Variants in EIF2AK4 observed in about 807,000 individuals in gnomAD.
EIF2AK4 encodes the protein eIF-2-alpha kinase GCN2.
In EIF2AK4, 139 loss-of-function variants were observed where a neutral mutation model predicts 211.1. That is an observed-to-expected ratio of 0.66 (90% confidence interval 0.57 to 0.76). EIF2AK4 has a LOEUF of 0.76. Ranked by LOEUF, EIF2AK4 falls within the 30% of genes least tolerant of loss-of-function variation. The pLI is 0.00. For missense variants in EIF2AK4, 1,664 were observed against 2,043.8 expected (o/e 0.81, Z 3.58); for synonymous variants, 710 against 751.3 (o/e 0.94, Z 0.90).
At chr15:40,032,058 T>G (rs1413158638) in intron 35 of EIF2AK4, 111 bp from the exon 36 acceptor site, 4 of 951,838 alleles carry the variant, frequency 4.2e-6, no homozygotes, top group Non-Finnish European at 6.7e-6. Flanking sequence ...TTTGGAATCC[T>G]TTCTAGGCTT....
intron 1 of EIF2AK4, among the ~76,000 whole-genome samples, chr15:39,936,452 G>T (rs955011314): frequency 6.6e-6 from 1 of 152,082 alleles, no homozygotes; most frequent in Non-Finnish European, 1.5e-5. Flanking sequence ...TCTCTCTGTC[G>T]CCCGGGCTGG....
At chr15:40,006,117 A>AG (rs1433183524) in intron 23 of EIF2AK4, among the ~76,000 whole-genome samples, 1 of 152,112 alleles carries the variant, frequency 6.6e-6, no homozygotes, top group Non-Finnish European at 1.5e-5. Context: ...TACTTTTTGG[A>AG]GGGGGGAGTG....
chr15:39,992,468 G>C, intron 17 of EIF2AK4: 1 of 534,732 alleles, frequency 1.9e-6, no homozygotes, highest in South Asian at 2.8e-5. Flanking sequence ...GGGGTAGACA[G>C]TTTTATTTTG....
Position 40,022,508 on chromosome 15 carries a change from G to T in EIF2AK4, c.4303-11G>T. Reference sequence around the variant, plus strand: ...TGTGTTTATTTTCTTTACTATGTTTGTTTGTTTCAGTCCCAAGAGGAATTA... The same window carrying T: ...TGTGTTTATTTTCTTTACTATGTTTTTTTGTTTCAGTCCCAAGAGGAATTA... On this transcript the variant is annotated splice_polypyrimidine_tract_variant and intron_variant, in intron 31 of 38. Transcript: ENST00000263791. 1 of 1,611,274 alleles carries T rather than the reference G, an allele frequency of 6.2e-7. No individual in the cohort carries two copies.
intron 7 of EIF2AK4, among the ~76,000 whole-genome samples, chr15:39,963,211 A>C (rs892264318): frequency 1.3e-5 from 2 of 152,204 alleles, no homozygotes; most frequent in African/African-American, 4.8e-5. Context: ...GGGCAGGTTC[A>C]AGACATTGGT....
At chr15:39,938,164 C>T (rs537355266) in intron 1 of EIF2AK4, among the ~76,000 whole-genome samples, 12 of 152,068 alleles carry the variant, frequency 7.9e-5, no homozygotes, top group Non-Finnish European at 1.5e-4. Context: ...GACTGAAGTT[C>T]CATGAGAGCT....
chr15:39,944,375 C>T (rs2034192517), intron 3 of EIF2AK4, among the ~76,000 whole-genome samples: 1 of 151,504 alleles, frequency 6.6e-6, no homozygotes, highest in African/African-American at 2.4e-5. Context: ...CTTCTTTGCC[C>T]CACTTTTGTG....
At chr15:39,960,378 A>C (rs1180502669) in intron 6 of EIF2AK4, among the ~76,000 whole-genome samples, 1 of 152,024 alleles carries the variant, frequency 6.6e-6, no homozygotes, top group Non-Finnish European at 1.5e-5. Flanking sequence ...AGAGAGGAGA[A>C]GGTGGTACTT....
intron 19 of EIF2AK4, among the ~76,000 whole-genome samples, chr15:39,997,814 G>A (rs1182955797): frequency 6.6e-6 from 1 of 152,176 alleles, no homozygotes; most frequent in Non-Finnish European, 1.5e-5. Flanking sequence ...TGAGCAAACC[G>A]CATTAAGATG....
In EIF2AK4 at chr15:40,007,046, A is replaced by G. The variant is rs1431753691; in HGVS notation, c.3388A>G (p.Asn1130Asp). Reference sequence around the variant, plus strand: ...TTTTGCAAGATATGTGGCAAGAAATAATATATTGAATTTAAAACGGTAAGA... The same window carrying G: ...TTTTGCAAGATATGTGGCAAGAAATGATATATTGAATTTAAAACGGTAAGA... ...IPFARYVARN[N>D]ILNLKRYCIE... Residue 1130 changes from asparagine to aspartate, a missense_variant, in exon 24 of 39, where the codon AAT becomes GAT. This residue lies in a region of EIF2AK4 where 622 missense variants were observed against 796.8 expected (regional missense o/e 0.78). Transcript: ENST00000263791. The G allele has an allele frequency of 6.3e-7, 1 of 1,595,962 alleles. No individual in the cohort carries two copies. The highest frequency in any genetic ancestry group is 1.7e-5 in the Admixed American group (1 of 59,644).
Position 39,976,804 on chromosome 15 carries a change from G to T in EIF2AK4, c.2209G>T (p.Asp737Tyr), listed in dbSNP as rs1566991764. The change falls in exon 12 of 39, where the codon GAC becomes TAC. Residue 737 changes from aspartate (D) to tyrosine (Y), a missense_variant. Physicochemically the swap from Asp to Tyr is radical, Grantham distance 160. Around this residue, in one of 7 missense-constraint regions of EIF2AK4, gnomAD observed 206 missense variants for 201.9 expected, o/e 1.02. Coordinates refer to ENST00000263791, the MANE Select transcript of EIF2AK4 (RefSeq NM_001013703.4). ...GGGCTCCAGCGATGACGAGGACGAC[G>T]ACGAGGACGAGCACGGTGGCGTCTT... ...GPGSSDDEDD[D>Y]EDEHGGVFSQ... 1 of 1,572,496 alleles carries T rather than the reference G, an allele frequency of 6.4e-7. No individual in the cohort carries two copies. The highest frequency in any genetic ancestry group is 1.2e-5 in the South Asian group (1 of 85,522).
At chr15:40,022,704 T>G in intron 32 of EIF2AK4, 99 bp downstream of exon 32, 1 of 987,378 alleles carries the variant, frequency 1.0e-6, no homozygotes, top group Non-Finnish European at 1.5e-6. Context: ...TGACTGGAAA[T>G]CCGTTCCCTC....
At chr15:40,026,557 C>G (rs1444628000) in intron 33 of EIF2AK4, among the ~76,000 whole-genome samples, 1 of 152,206 alleles carries the variant, frequency 6.6e-6, no homozygotes, top group African/African-American at 2.4e-5. Context: ...ATAACTCAAT[C>G]AGGAGTTTAA....
intron 4 of EIF2AK4, among the ~76,000 whole-genome samples, chr15:39,953,245 A>G (rs1365206927): frequency 6.6e-6 from 1 of 152,240 alleles, no homozygotes; most frequent in Non-Finnish European, 1.5e-5. Flanking sequence ...ACATACTGCT[A>G]TAGCTACCTA....
At chr15:40,029,375 T>A in intron 33 of EIF2AK4, 31 bp from the exon 34 acceptor site, 2 of 1,610,962 alleles carry the variant, frequency 1.2e-6, no homozygotes, top group African/African-American at 1.3e-5. Context: ...TATTGACTGT[T>A]CTTTAATTGT....
chr15:39,995,008 A>G (rs2035000618), intron 18 of EIF2AK4, among the ~76,000 whole-genome samples: 1 of 151,950 alleles, frequency 6.6e-6, no homozygotes, highest in Non-Finnish European at 1.5e-5. Context: ...TGCCTGGCTA[A>G]TTTTTGTATT....
chr15:40,004,726 A>T (rs1206698177), intron 23 of EIF2AK4, among the ~76,000 whole-genome samples: 2 of 151,712 alleles, frequency 1.3e-5, no homozygotes, highest in Admixed American at 6.6e-5. Context: ...AAATTTAAAA[A>T]TTTTTTTTTG....
rs11070241 is a variant in EIF2AK4 at position 39,992,601 on chromosome 15, C to T, written c.2687-168C>T. 461,703 of 624,102 alleles carry T rather than the reference C, an allele frequency of 0.74. 173,372 individuals carry two copies. The highest frequency in any genetic ancestry group is 0.81 in the Middle Eastern group (2,295 of 2,840). The allele number at this position is 624,102 out of a possible 1,614,324, so 38.7% of individuals were successfully genotyped here. A position where few individuals can be genotyped will look rare whatever the true frequency, so the allele number is the denominator to read the frequency against. On this transcript the variant is annotated intron_variant, in intron 17 of 38. Coordinates refer to ENST00000263791, the MANE Select transcript of EIF2AK4 (RefSeq NM_001013703.4). ...GTGTAGAACCGAATGTGTGGCCATA[C>T]GTGACTTATGGTTATTCATTTGGTA...
intron 2 of EIF2AK4, among the ~76,000 whole-genome samples, chr15:39,942,087 C>T (rs753151262): frequency 6.6e-6 from 1 of 152,134 alleles, no homozygotes; most frequent in Non-Finnish European, 1.5e-5. Flanking sequence ...TTTCTCCATT[C>T]TGTTAATATT....
Sources: gnomAD v4.1 joint callset for allele counts (sites outside exome capture counted in the v4.1 genomes callset) on GRCh38, gnomAD v4.1.1 for gene constraint, gnomAD v4.1.1 regional missense constraint, MANE v1.5 for transcripts, NCBI Gene and HGNC (gene_info 2026-07-23, HGNC 2026-07-21) for gene names.